The following TNNI3K variants were observed in gnomAD, a reference collection of about 807,000 sequenced individuals.
The protein encoded by TNNI3K is TNNI3 interacting kinase.
A neutral mutation model predicts 114.5 loss-of-function variants in TNNI3K; 140 were observed. That is an observed-to-expected ratio of 1.22 (90% CI 1.07 to 1.41). The LOEUF (loss-of-function observed/expected upper bound fraction) is 1.41. Among genes scored for constraint, TNNI3K ranks in the 40% most tolerant of loss-of-function variants. The pLI, the probability that TNNI3K is intolerant of heterozygous loss-of-function variation, is 0.00. For missense variants in TNNI3K, 1,125 were observed against 1,007.6 expected (o/e 1.12, Z -1.58); for synonymous variants, 347 against 347.5 (o/e 1.00, Z 0.02).
At chr1:74,415,509 T>C (rs1246527109) in intron 17 of TNNI3K, among the ~76,000 whole-genome samples, 1 of 152,182 alleles carries the variant, frequency 6.6e-6, no homozygotes, top group African/African-American at 2.4e-5. Flanking sequence ...TTTTCACCTG[T>C]TATGTTTATT....
chr1:74,473,202 G>A (rs9326112), intron 21 of TNNI3K, among the ~76,000 whole-genome samples: 67,419 of 151,982 alleles, frequency 0.44, 18,031 homozygotes, highest in East Asian at 0.68. Context: ...CACAAGAGAC[G>A]TGATCCATTG....
At chr1:74,353,853 A>G in intron 10 of TNNI3K, 127 bp from the exon 11 acceptor site, 1 of 1,340,552 alleles carries the variant, frequency 7.5e-7, no homozygotes, top group Non-Finnish European at 9.9e-7. Flanking sequence ...GTTCTTTATC[A>G]AAGAAATCAA....
At chr1:74,491,154 C>G (rs1171797533) in intron 22 of TNNI3K, among the ~76,000 whole-genome samples, 1 of 152,062 alleles carries the variant, frequency 6.6e-6, no homozygotes, top group East Asian at 1.9e-4. Flanking sequence ...AACATGAAAA[C>G]CGGTTGAAGG....
At chr1:74,521,688 G>A (rs1367274827) in intron 23 of TNNI3K, among the ~76,000 whole-genome samples, 14 of 152,250 alleles carry the variant, frequency 9.2e-5, no homozygotes, top group South Asian at 2.1e-4. Flanking sequence ...CGCTATTCTC[G>A]CAGAGTTGGT....
chr1:74,304,614 T>TA (rs199750922), intron 5 of TNNI3K, among the ~76,000 whole-genome samples: 16 of 152,090 alleles, frequency 1.1e-4, no homozygotes, highest in African/African-American at 3.4e-4. Flanking sequence ...GTCTAATTTT[T>TA]ATTTTTTTTT....
At chr1:74,279,327 G>A (rs765705316) in intron 5 of TNNI3K, among the ~76,000 whole-genome samples, 3 of 152,142 alleles carry the variant, frequency 2.0e-5, no homozygotes, top group East Asian at 1.9e-4. Flanking sequence ...CTTCAGTTGC[G>A]GTTAGCTTTT....
rs199684206 is a variant in TNNI3K, at chr1:74,369,586, G to A, written c.1667+1G>A. ...TCTCCCTCCTTCATGAGCAGAAGAGGTATGGGTCTTTTGTTCTGATTTATC... is the reference window on the plus strand; with the variant it reads ...TCTCCCTCCTTCATGAGCAGAAGAGATATGGGTCTTTTGTTCTGATTTATC... On this transcript the variant is annotated splice_donor_variant, in intron 16 of 24. Transcript: ENST00000326637. LOFTEE classifies it high-confidence loss of function. 384 of 1,598,626 alleles carry A rather than the reference G, an allele frequency of 2.4e-4. No individual in the cohort carries two copies. Among genetic ancestry groups the A allele is most frequent in the Non-Finnish European group, 3.2e-4 (371 of 1,173,672 alleles).
At chr1:74,343,280 C>T in intron 9 of TNNI3K, 101 bp downstream of exon 9, 1 of 1,274,062 alleles carries the variant, frequency 7.8e-7, no homozygotes. Context: ...GCAGATGTTG[C>T]AATCAGAGAG....
At chr1:74,335,217 A>G (rs1340546681) in intron 6 of TNNI3K, among the ~76,000 whole-genome samples, 1 of 152,156 alleles carries the variant, frequency 6.6e-6, no homozygotes, top group Non-Finnish European at 1.5e-5. Context: ...ATATGAAAAA[A>G]CTTGGGTATA....
At chr1:74,354,920 A>G (rs1303960046) in intron 11 of TNNI3K, among the ~76,000 whole-genome samples, 1 of 152,210 alleles carries the variant, frequency 6.6e-6, no homozygotes, top group African/African-American at 2.4e-5. Context: ...CAAATTCATC[A>G]TTTCAAGGGA....
In TNNI3K at chr1:74,543,960, G is replaced by T; in HGVS notation, c.2486G>T (p.Ser829Ile). The T allele has an allele frequency of 6.2e-7, 1 of 1,613,204 alleles. No homozygotes were observed. The highest frequency in any genetic ancestry group is 1.1e-5 in the South Asian group (1 of 90,824). ...SMHFHSCRNS[S>I]SFEDSS ...CATTTTCATTCTTGCCGAAATAGTA[G>T]CAGCTTTGAGGACAGCAGCTGACAG... The change falls in exon 25 of 25, where the codon AGC (serine) becomes ATC (isoleucine). Residue 829 changes from serine (S) to isoleucine (I), a missense_variant. Coordinates refer to ENST00000326637, the MANE Select transcript of TNNI3K (RefSeq NM_015978.3).
intron 11 of TNNI3K, among the ~76,000 whole-genome samples, chr1:74,356,434 A>G (rs1487977964): frequency 1.3e-5 from 2 of 152,144 alleles, no homozygotes; most frequent in African/African-American, 4.8e-5. Context: ...AGGTAGCTCT[A>G]TATCTTAATA....
In TNNI3K at chr1:74,463,460, G is replaced by A. The variant is rs759282275; in HGVS notation, c.2031G>A (p.Met677Ile). Residue 677 changes from methionine to isoleucine, a missense_variant, in exon 21 of 25, where the codon ATG becomes ATA. By Grantham distance (10) the Met-to-Ile change is conservative (BLOSUM62 1). Coordinates refer to ENST00000326637, the MANE Select transcript of TNNI3K (RefSeq NM_015978.3). ...HLKPAAAAAD[M>I]AYHHIRPPIG... Reference sequence around the variant, plus strand: ...TTGCAGCGGCTGCGGCAGCAGACATGGCTTACCACCACATCAGACCTCCCA... The same window carrying A: ...TTGCAGCGGCTGCGGCAGCAGACATAGCTTACCACCACATCAGACCTCCCA... The A allele has an allele frequency of 6.2e-7, 1 of 1,614,174 alleles. No individual in the cohort carries two copies. Among genetic ancestry groups the A allele is most frequent in the Non-Finnish European group, 8.5e-7 (1 of 1,180,030 alleles).
intron 4 of TNNI3K, among the ~76,000 whole-genome samples, chr1:74,259,309 A>G (rs1655525585): frequency 1.3e-5 from 2 of 152,236 alleles, no homozygotes; most frequent in African/African-American, 2.4e-5. Context: ...TGTAAATCCT[A>G]TTCTGAGTCT....
intron 17 of TNNI3K, among the ~76,000 whole-genome samples, chr1:74,423,013 A>G (rs936213719): frequency 6.6e-6 from 1 of 152,126 alleles, no homozygotes; most frequent in African/African-American, 2.4e-5. Flanking sequence ...ATCATCATGA[A>G]ATATGCATAG....
intron 23 of TNNI3K, among the ~76,000 whole-genome samples, chr1:74,497,541 G>T (rs764397496): frequency 6.0e-5 from 9 of 151,102 alleles, no homozygotes; most frequent in Non-Finnish European, 8.9e-5. Context: ...CAATCCCATG[G>T]CTTCAACTCA....
At chr1:74,392,051 C>T (rs549946489) in intron 17 of TNNI3K, among the ~76,000 whole-genome samples, 6 of 149,454 alleles carry the variant, frequency 4.0e-5, no homozygotes, top group South Asian at 2.1e-4. Flanking sequence ...CTGCAAGCTC[C>T]GCCTCCCGGG....
chr1:74,289,274 T>C (rs1439792432), intron 5 of TNNI3K, among the ~76,000 whole-genome samples: 1 of 151,922 alleles, frequency 6.6e-6, no homozygotes. Flanking sequence ...AAAAATTAAT[T>C]AAAAAATGAT....
intron 17 of TNNI3K, among the ~76,000 whole-genome samples, chr1:74,401,104 G>A (rs1210164064): frequency 6.6e-6 from 1 of 152,156 alleles, no homozygotes; most frequent in Non-Finnish European, 1.5e-5. Context: ...TAGTTGTTCT[G>A]TACTGGCAAA....
Sources: gnomAD v4.1 joint callset for allele counts (sites outside exome capture counted in the v4.1 genomes callset) on GRCh38, gnomAD v4.1.1 for gene constraint, MANE v1.5 for transcripts, NCBI Gene and HGNC (gene_info 2026-07-23, HGNC 2026-07-21) for gene names.